Variants in CLVS1 observed in about 807,000 individuals in gnomAD.
CLVS1 encodes the protein clavesin 1, also known as clavesin-1.
Under a neutral mutation model 33.1 loss-of-function variants are expected in CLVS1, and 10 were observed. The ratio of observed to expected loss-of-function variants is 0.30; its 90% CI spans 0.19 to 0.51. CLVS1 has a LOEUF of 0.51. Among genes scored for constraint, CLVS1 ranks in the 20% least tolerant of loss-of-function variants. The probability of loss-of-function intolerance (pLI) is 0.97; values close to 1 mark genes in which losing one functional copy is unlikely to be tolerated. For missense variants in CLVS1, 343 were observed against 433.4 expected (o/e 0.79, Z 1.85); for synonymous variants, 163 against 166.1 (o/e 0.98, Z 0.14).
At chr8:61,375,921 A>T (rs937986457) in intron 2 of CLVS1, among the ~76,000 whole-genome samples, 2 of 152,198 alleles carry the variant, frequency 1.3e-5, no homozygotes, top group African/African-American at 4.8e-5. Flanking sequence ...ACAGAACTGG[A>T]GAGCTGTCAT....
intron 2 of CLVS1, chr8:61,264,804 A>C (rs1234751568): frequency 1.3e-5 from 2 of 152,160 alleles, no homozygotes; most frequent in African/African-American, 4.8e-5. Context: ...AGCAGAGCTG[A>C]AGTTGGTAGG....
At chr8:61,081,846 G>A (rs2129282610) in intron 1 of CLVS1, among the ~76,000 whole-genome samples, 1 of 152,308 alleles carries the variant, frequency 6.6e-6, no homozygotes, top group Non-Finnish European at 1.5e-5. Context: ...CAGAAACCCA[G>A]GAGCAGAAAC....
At chr8:61,303,307 T>C (rs924801937) in intron 2 of CLVS1, among the ~76,000 whole-genome samples, 7 of 152,232 alleles carry the variant, frequency 4.6e-5, no homozygotes, top group African/African-American at 1.7e-4. Flanking sequence ...ATAATCCAAA[T>C]GTTTATGATT....
At chr8:61,454,114 G>T (rs765358356) in intron 3 of CLVS1, 27 bp from the exon 4 acceptor site, 1 of 1,485,010 alleles carries the variant, frequency 6.7e-7, no homozygotes, top group South Asian at 1.1e-5. Context: ...TTACTAATCG[G>T]TGTGCATTTC....
intron 3 of CLVS1, among the ~76,000 whole-genome samples, chr8:61,451,527 G>A (rs1356166104): frequency 2.0e-5 from 3 of 152,062 alleles, no homozygotes; most frequent in Non-Finnish European, 4.4e-5. Context: ...ATGCTCTTTA[G>A]TCTCCAAGAA....
At chr8:61,192,657 T>A (rs1451096622) in intron 2 of CLVS1, among the ~76,000 whole-genome samples, 2 of 151,814 alleles carry the variant, frequency 1.3e-5, no homozygotes, top group Non-Finnish European at 2.9e-5. Flanking sequence ...TACAAAGAAC[T>A]CAAACAAATT....
At chr8:61,452,155 C>T (rs1300350808) in intron 3 of CLVS1, among the ~76,000 whole-genome samples, 1 of 152,156 alleles carries the variant, frequency 6.6e-6, no homozygotes, top group African/African-American at 2.4e-5. Flanking sequence ...TTTCAACCTC[C>T]CCTGACACAA....
At chr8:61,179,849 A>G (rs927338564) in intron 2 of CLVS1, among the ~76,000 whole-genome samples, 1 of 152,118 alleles carries the variant, frequency 6.6e-6, no homozygotes, top group Non-Finnish European at 1.5e-5. Flanking sequence ...CAGGGTTAAG[A>G]GGAAATTTAT....
At chr8:60,996,333 T>C in the CLVS1 span, among the ~76,000 whole-genome samples, 2 of 152,202 alleles carry the variant, frequency 1.3e-5, no homozygotes, top group Admixed American at 1.3e-4. Flanking sequence ...ACAGTTGGCA[T>C]CTTATGAATA....
intron 2 of CLVS1, among the ~76,000 whole-genome samples, chr8:61,303,166 G>C (rs1161874965): frequency 6.6e-6 from 1 of 152,200 alleles, no homozygotes; most frequent in African/African-American, 2.4e-5. Flanking sequence ...AGATGAGGTA[G>C]AGAACATCAG....
chr8:61,004,752 G>A, the CLVS1 span, among the ~76,000 whole-genome samples: 2 of 152,170 alleles, frequency 1.3e-5, no homozygotes, highest in African/African-American at 2.4e-5. Context: ...AACGCACCCT[G>A]GGGCAGGAAG....
At position 61,288,024 on chromosome 8, in the gene CLVS1, T is replaced by G. The variant is rs945603606; in HGVS notation, c.-266T>G. On this transcript the variant is annotated 5_prime_UTR_variant, in exon 1 of 6. Transcript: ENST00000325897. ...GAGCCCGAGCTCTCATTCACAGCTTTCTAGAGAAATCTGAGCCCGAACCTG... is the reference window on the plus strand; with the variant it reads ...GAGCCCGAGCTCTCATTCACAGCTTGCTAGAGAAATCTGAGCCCGAACCTG... 6.8e-6 allele frequency: 3 copies of G among 440,552 alleles called. No individual in the cohort carries two copies. Among genetic ancestry groups the G allele is most frequent in the African/African-American group, 4.0e-5 (2 of 49,774 alleles). The allele number at this position is 440,552 out of a possible 1,614,324, so 27.3% of individuals were successfully genotyped here.
chr8:61,288,005 G>A lies in CLVS1; in HGVS notation c.-285G>A, dbSNP rs1254919614. On this transcript the variant is annotated 5_prime_UTR_variant, in exon 1 of 6. Transcript: ENST00000325897. The stretch of plus-strand genomic sequence containing the variant: ...AAAATCACAGCCCCTTGTGGAGCCC[G>A]AGCTCTCATTCACAGCTTTCTAGAG... The A allele has an allele frequency of 2.4e-6, 1 of 421,540 alleles. No individual in the cohort carries two copies. Among genetic ancestry groups the A allele is most frequent in the Non-Finnish European group, 4.8e-6 (1 of 209,452 alleles). The allele number at this position is 421,540 out of a possible 1,614,324, so 26.1% of individuals were successfully genotyped here. A position where few individuals can be genotyped will look rare whatever the true frequency, so the allele number is the denominator to read the frequency against.
chr8:61,228,014 G>A (rs190926307), intron 2 of CLVS1, among the ~76,000 whole-genome samples: 2 of 152,144 alleles, frequency 1.3e-5, no homozygotes, highest in Non-Finnish European at 2.9e-5. Flanking sequence ...GACAAAAAAC[G>A]AGTGCCCTTA....
chr8:61,047,013 C>G, the CLVS1 span, among the ~76,000 whole-genome samples: 1 of 152,148 alleles, frequency 6.6e-6, no homozygotes, highest in East Asian at 1.9e-4. Flanking sequence ...CTGGCCAGAA[C>G]TTCCAACACT....
intron 5 of CLVS1, among the ~76,000 whole-genome samples, chr8:61,474,488 T>G (rs1171187563): frequency 6.6e-6 from 1 of 152,226 alleles, no homozygotes; most frequent in Non-Finnish European, 1.5e-5. Flanking sequence ...TTTTTCTATT[T>G]TCTTCTATTT....
intron 2 of CLVS1, among the ~76,000 whole-genome samples, chr8:61,345,125 C>T (rs1161126342): frequency 6.6e-6 from 1 of 152,128 alleles, no homozygotes; most frequent in African/African-American, 2.4e-5. Flanking sequence ...CTCTGTTAAG[C>T]TACATTTGAG....
chr8:61,079,082 A>G (rs1320705722), intron 1 of CLVS1, among the ~76,000 whole-genome samples: 2 of 152,232 alleles, frequency 1.3e-5, no homozygotes, highest in African/African-American at 4.8e-5. Flanking sequence ...ATTGGGGGAA[A>G]ACTCAAAAAC....
chr8:61,459,763 TA>T (rs1057483945), intron 5 of CLVS1, among the ~76,000 whole-genome samples: 1 of 152,198 alleles, frequency 6.6e-6, no homozygotes, highest in Non-Finnish European at 1.5e-5. Context: ...TCTAATATTG[TA>T]TAATTTCTAG....
Sources: gnomAD v4.1 joint callset for allele counts (sites outside exome capture counted in the v4.1 genomes callset) on GRCh38, gnomAD v4.1.1 for gene constraint, MANE v1.5 for transcripts, NCBI Gene and HGNC (gene_info 2026-07-23, HGNC 2026-07-21) for gene names.